ZNF540: variants seen among roughly 807,000 people sequenced by gnomAD.
The protein encoded by ZNF540 is zinc finger protein 540.
A neutral mutation model predicts 11.8 loss-of-function variants in ZNF540; 3 were observed. The ratio of observed to expected loss-of-function variants is 0.25; its 90% CI spans 0.12 to 0.65. The LOEUF is 0.65. ZNF540 is among the 30% of genes least tolerant of loss of function. ZNF540 has a pLI of 0.83. For missense variants in ZNF540, 709 were observed against 793.1 expected, an observed-to-expected ratio of 0.89 and a Z score of 1.27; for synonymous variants, 247 against 259.0, an observed-to-expected ratio of 0.95 and a Z score of 0.45.
At chr19:37,586,934 G>GGACCCTA in intron 1 of ZNF540, 1 of 507,524 alleles carries the variant, frequency 2.0e-6, no homozygotes. Context: ...ATGTTGAACA[G>GGACCCTA]GACCCTAGGT....
At chr19:37,585,688 T>A (rs770787370) in intron 1 of ZNF540, 23 of 152,250 alleles carry the variant, frequency 1.5e-4, no homozygotes, top group Non-Finnish European at 2.9e-4. Flanking sequence ...GCTCATCTCT[T>A]AAACTTTCAA....
Position 37,604,497 on chromosome 19 carries a change from T to C in ZNF540, c.232+3392T>C, listed in dbSNP as rs940396179. Among the ~76,000 whole-genome samples the C allele has an allele frequency of 4.6e-5, 7 of 151,698 alleles. No individual in the cohort carries two copies. In the South Asian group the frequency reaches 1.0e-3, roughly 23 times the overall value. On this transcript the variant is annotated intron_variant, in intron 4 of 4. Transcript: ENST00000316433. Reference sequence around the variant, plus strand: ...TAAGTTTTTGTATTTTTAGCAGAGATGGGGTTTCACCGTGTTAGCCAGGAT... The same window carrying C: ...TAAGTTTTTGTATTTTTAGCAGAGACGGGGTTTCACCGTGTTAGCCAGGAT...
chr19:37,577,762 TA>T (rs928541829), intron 1 of ZNF540, among the ~76,000 whole-genome samples: 10 of 152,186 alleles, frequency 6.6e-5, no homozygotes, highest in African/African-American at 2.4e-4. Flanking sequence ...AATGTAACTC[TA>T]GGGGGGCACT....
intron 3 of ZNF540, 117 bp from the exon 4 acceptor site, chr19:37,600,893 T>C: frequency 1.2e-6 from 1 of 835,206 alleles, no homozygotes; most frequent in Admixed American, 2.6e-5. Flanking sequence ...TGTCAGTTTT[T>C]TCCGAAGTCT....
chr19:37,604,295 A>ATTT (rs1491343746), intron 4 of ZNF540, among the ~76,000 whole-genome samples: 1 of 33,912 alleles, frequency 2.9e-5, no homozygotes, highest in African/African-American at 1.2e-4. Context: ...AAATAGCCTT[A>ATTT]CTTTTTTTTT....
chr19:37,565,919 T>C (rs16973893), intron 1 of ZNF540: 1 of 1,613,924 alleles, frequency 6.2e-7, no homozygotes, highest in African/African-American at 1.3e-5. Context: ...CCTGTGTTTC[T>C]TAACTTCAGA....
In ZNF540 at chr19:37,600,995, C is replaced by T. The variant is rs746712503; in HGVS notation, c.137-15C>T. On this transcript the variant is annotated splice_polypyrimidine_tract_variant and intron_variant, in intron 3 of 4. Coordinates refer to ENST00000316433, the MANE Select transcript of ZNF540 (RefSeq NM_001172225.3). ...TTTATTTCTATATATTCTTTTATTT[C>T]TTTCTTGTAAGCAGGATATTCTGGC... 2.6e-6 allele frequency: 4 copies of T among 1,551,708 alleles called. No homozygotes were observed. The South Asian group carries it at 3.6e-5, about 14-fold the overall frequency.
intron 1 of ZNF540, chr19:37,564,427 T>G: frequency 3.3e-5 from 16 of 478,520 alleles, no homozygotes. Context: ...TTCTAGCGTT[T>G]ATAGAGATGT....
chr19:37,564,560 TGAA>T (rs771137720), intron 1 of ZNF540: 48 of 1,453,142 alleles, frequency 3.3e-5, no homozygotes, highest in Admixed American at 2.5e-4. Context: ...ATGAAATAGA[TGAA>T]GATTTTCTTA....
intron 1 of ZNF540, among the ~76,000 whole-genome samples, chr19:37,552,023 T>C (rs551245339): frequency 8.5e-5 from 13 of 152,106 alleles, no homozygotes; most frequent in Non-Finnish European, 1.9e-4. Flanking sequence ...TTTCTTTAAG[T>C]GGGAACTTAA....
chr19:37,565,314 AG>A lies in ZNF540; in HGVS notation c.-73+13651del, dbSNP rs776616294. ...TAAGTAAGTTGTGAGCCACGAAAAA[AG>A]GTCTTCCCGCATTCTTTACATTCAT... On this transcript the variant is annotated intron_variant, in intron 1 of 4. Transcript: ENST00000592533. 6.0e-5 allele frequency: 97 copies of A among 1,611,102 alleles called. 1 individual carries two copies. The South Asian group carries it at 9.4e-4, about 16-fold the overall frequency.
chr19:37,598,163 A>G (rs1486099810), intron 1 of ZNF540, among the ~76,000 whole-genome samples: 1 of 152,102 alleles, frequency 6.6e-6, no homozygotes, highest in Non-Finnish European at 1.5e-5. Flanking sequence ...AATATTGGTC[A>G]TGTGTTCTAA....
intron 1 of ZNF540, chr19:37,564,726 T>A (rs141866022): frequency 6.2e-7 from 1 of 1,613,520 alleles, no homozygotes; most frequent in African/African-American, 1.3e-5. Flanking sequence ...GAGCCACGAC[T>A]AAAGGCCCTC....
intron 1 of ZNF540, among the ~76,000 whole-genome samples, chr19:37,588,240 C>T (rs1473032568): frequency 6.7e-6 from 1 of 148,758 alleles, no homozygotes; most frequent in Non-Finnish European, 1.5e-5. Context: ...AATAAAAGTA[C>T]AAGTATGAAA....
At chr19:37,574,723 C>G (rs1268367865) in intron 1 of ZNF540, among the ~76,000 whole-genome samples, 1 of 152,172 alleles carries the variant, frequency 6.6e-6, no homozygotes. Flanking sequence ...AAAATCATTT[C>G]TAACTTCCAA....
chr19:37,596,656 T>C (rs953225574), intron 1 of ZNF540, among the ~76,000 whole-genome samples: 1 of 152,216 alleles, frequency 6.6e-6, no homozygotes, highest in Non-Finnish European at 1.5e-5. Context: ...TTATTTTCCT[T>C]AGACAGGGTC....
chr19:37,593,196 G>A (rs2043918326), upstream of ZNF540, among the ~76,000 whole-genome samples: 1 of 151,742 alleles, frequency 6.6e-6, no homozygotes, highest in Non-Finnish European at 1.5e-5. Context: ...GGTAATATAT[G>A]CTTATAAGAG....
At chr19:37,594,437 C>T (rs1033864165), upstream of ZNF540, 3 of 152,336 alleles carry the variant, frequency 2.0e-5, no homozygotes, top group Non-Finnish European at 4.4e-5. Context: ...CCTCCCTATC[C>T]CAAAGTTATG....
chr19:37,556,968 G>A (rs990548606), intron 1 of ZNF540, among the ~76,000 whole-genome samples: 3 of 152,170 alleles, frequency 2.0e-5, no homozygotes, highest in South Asian at 2.1e-4. Flanking sequence ...CTTACTGACC[G>A]ACAGAACTAT....
Sources: allele counts gnomAD v4.1 joint callset (sites outside exome capture counted in the v4.1 genomes callset), GRCh38; gene constraint gnomAD v4.1.1; transcripts MANE v1.5; gene names NCBI Gene and HGNC (gene_info 2026-07-23, HGNC 2026-07-21).